CRELD2: variants seen among roughly 807,000 people sequenced by gnomAD.
CRELD2 encodes the protein protein disulfide isomerase CRELD2.
Under a neutral mutation model 48.1 loss-of-function variants are expected in CRELD2, and 33 were observed. The ratio of observed to expected loss-of-function variants is 0.69; its 90% confidence interval spans 0.52 to 0.92. The LOEUF (loss-of-function observed/expected upper bound fraction) is 0.92, where lower values mean the gene tolerates loss of function less well. Among genes scored for constraint, CRELD2 ranks in the 40% least tolerant of loss-of-function variants. The pLI is 0.00. For synonymous variants in CRELD2, 220 were observed against 203.9 expected, an observed-to-expected ratio of 1.08 and a Z score of -0.67; for missense variants, 477 against 482.4, an observed-to-expected ratio of 0.99 and a Z score of 0.10.
At chr22:49,925,340 C>A in intron 8 of CRELD2, 77 bp from the exon 9 acceptor site, 1 of 960,002 alleles carries the variant, frequency 1.0e-6, no homozygotes, top group Non-Finnish European at 1.6e-6. Flanking sequence ...GTGAATGAAT[C>A]TGAATGAATG....
intron 4 of CRELD2, chr22:49,921,346 T>A (rs1011771122): frequency 1.8e-6 from 1 of 544,320 alleles, no homozygotes; most frequent in African/African-American, 1.9e-5. Context: ...CTAAACGTCA[T>A]CATGCAGCAC....
rs1476772179 is a variant in CRELD2, at chr22:49,919,727, C to G, written c.213-3C>G. ...GGTGGGCCGGTGTGGGCCTGTGTTT[C>G]AGCGAGATTCGCCTGCTGGAGATCC... On this transcript the variant is annotated splice_polypyrimidine_tract_variant and splice_region_variant and intron_variant, in intron 2 of 9. Coordinates refer to ENST00000328268, the MANE Select transcript of CRELD2 (RefSeq NM_024324.5). 3 of 1,603,302 alleles carry G rather than the reference C, an allele frequency of 1.9e-6. No individual in the cohort carries two copies. Among genetic ancestry groups the G allele is most frequent in the Non-Finnish European group, 2.6e-6 (3 of 1,175,592 alleles).
At chr22:49,919,033 C>CGCCCCCGCCGTGGGCCCGGGGTG (rs1396931889) in intron 1 of CRELD2, 135 bp downstream of exon 1, 1 of 874,464 alleles carries the variant, frequency 1.1e-6, no homozygotes, top group East Asian at 2.8e-5. Flanking sequence ...GATTCGGGAT[C>CGCCCCCGCCGTGGGCCCGGGGTG]CCCCTCACCG....
In CRELD2 at chr22:49,927,394, G is replaced by T; in HGVS notation, c.*87G>T. On this transcript the variant is annotated 3_prime_UTR_variant, in exon 10 of 10. Coordinates refer to ENST00000328268, the MANE Select transcript of CRELD2 (RefSeq NM_024324.5). ...GATGCCGTCTCCTGCAGTGGACAGC[G>T]GCGGGGAGAGGCTGCCTGCTCTCTA... 9.9e-7 allele frequency: 1 copy of T among 1,013,676 alleles called. No homozygotes were observed. Among genetic ancestry groups the T allele is most frequent in the Non-Finnish European group, 1.6e-6 (1 of 636,780 alleles). The allele number at this position is 1,013,676 out of a possible 1,614,324, so 62.8% of individuals were successfully genotyped here. A position where few individuals can be genotyped will look rare whatever the true frequency, so the allele number is the denominator to read the frequency against.
Position 49,920,194 on chromosome 22 carries a change from T to C in CRELD2, c.362T>C (p.Val121Ala). Residue 121 changes from valine to alanine, a missense_variant, in exon 4 of 10, where the codon GTG becomes GCG. Coordinates refer to ENST00000328268, the MANE Select transcript of CRELD2 (RefSeq NM_024324.5). Reference sequence around the variant, plus strand: ...CCTGACTTATTCGAGTGGTTTTGTGTGAAGACACTGAAAGTGTGCTGCTCT... The same window carrying C: ...CCTGACTTATTCGAGTGGTTTTGTGCGAAGACACTGAAAGTGTGCTGCTCT... ...EYPDLFEWFCVKTLKVCCSPG... is the reference protein window; with the variant it reads ...EYPDLFEWFCAKTLKVCCSPG... 2 of 1,613,618 alleles carry C rather than the reference T, an allele frequency of 1.2e-6. No homozygotes were observed. The highest frequency in any genetic ancestry group is 1.7e-6 in the Non-Finnish European group (2 of 1,179,784).
intron 4 of CRELD2, among the ~76,000 whole-genome samples, 179 bp downstream of exon 4, chr22:49,920,426 C>T (rs74371371): frequency 0.11 from 16,225 of 152,266 alleles, 1,145 homozygotes; most frequent in African/African-American, 0.19. Flanking sequence ...TTCGCACCGT[C>T]TGGCTGCAGC....
chr22:49,921,215 T>C (rs2060683047), intron 4 of CRELD2: 1 of 211,356 alleles, frequency 4.7e-6, no homozygotes, highest in Non-Finnish European at 9.5e-6. Flanking sequence ...ATGTGTCACC[T>C]GAACACATCT....
chr22:49,920,623 G>A (rs545127386), intron 4 of CRELD2, among the ~76,000 whole-genome samples: 280 of 152,364 alleles, frequency 1.8e-3, no homozygotes, highest in Middle Eastern at 6.8e-3. Flanking sequence ...AACTTCTGTG[G>A]CTGCTATTGC....
At chr22:49,922,924 A>C (rs1275528476) in intron 6 of CRELD2, among the ~76,000 whole-genome samples, 1 of 42,276 alleles carries the variant, frequency 2.4e-5, no homozygotes, top group African/African-American at 8.5e-5. Context: ...TGGGGGCGTG[A>C]GGTGGGGGCG....
chr22:49,922,591 A>AG, intron 5 of CRELD2, 21 bp from the exon 6 acceptor site: 1 of 1,521,564 alleles, frequency 6.6e-7, no homozygotes, highest in Non-Finnish European at 8.9e-7. Flanking sequence ...GTTTGTACCC[A>AG]GGCCCGCCTT....
Position 49,927,447 on chromosome 22 carries a change from C to T in CRELD2, c.*140C>T, listed in dbSNP as rs1161759020. The T allele has an allele frequency of 2.9e-6, 2 of 694,232 alleles. No individual in the cohort carries two copies. Among genetic ancestry groups the T allele is most frequent in the East Asian group, 5.1e-5 (2 of 38,912 alleles). 43.0% of individuals were successfully genotyped at this position (694,232 alleles called of 1,614,324 possible). On this transcript the variant is annotated 3_prime_UTR_variant, in exon 10 of 10. Coordinates refer to ENST00000328268, the MANE Select transcript of CRELD2 (RefSeq NM_024324.5). The stretch of plus-strand genomic sequence containing the variant: ...GGTTGATTCTCATTTGTCCCTTAAA[C>T]AGCTGCATTTCTTGGTTGTTCTTAA...
chr22:49,919,683 C>A, intron 2 of CRELD2, 47 bp from the exon 3 acceptor site: 1 of 1,447,316 alleles, frequency 6.9e-7, no homozygotes, highest in Non-Finnish European at 9.4e-7. Flanking sequence ...TTTTTCTTCA[C>A]TGCCTTGGAG....
At position 49,922,361 on chromosome 22, in the gene CRELD2, G is replaced by A. The variant is rs567509358; in HGVS notation, c.593-251G>A. ...TGTCTCTTGGATGTTGGCGTGGCGT[G>A]GGCCACGCATGGATCCGTGGCCGGA... On this transcript the variant is annotated intron_variant, in intron 5 of 9. Transcript: ENST00000328268. The A allele has an allele frequency of 8.9e-4, 1,434 of 1,611,066 alleles. 1 individual carries two copies. Among genetic ancestry groups the A allele is most frequent in the Non-Finnish European group, 1.1e-3 (1,293 of 1,178,882 alleles).
intron 3 of CRELD2, 95 bp from the exon 4 acceptor site, chr22:49,920,061 T>C (rs371532913): frequency 6.8e-6 from 6 of 880,740 alleles, no homozygotes; most frequent in East Asian, 5.0e-5. Context: ...TCCTGGACCT[T>C]ACAATACTCC....
rs774436187 is a variant in CRELD2 at position 49,919,222 on chromosome 22, C to T, written c.130-8C>T. On this transcript the variant is annotated splice_region_variant and splice_polypyrimidine_tract_variant and intron_variant, in intron 1 of 9. Coordinates refer to ENST00000328268, the MANE Select transcript of CRELD2 (RefSeq NM_024324.5). ...GTACCAAGCACTATGGGCACTGTCT[C>T]CTCGCAGGGGATGGTGGACACCGCA... The T allele has an allele frequency of 4.3e-6, 7 of 1,613,562 alleles. No homozygotes were observed. The East Asian group carries it at 8.9e-5, about 21-fold the overall frequency.
In CRELD2 at chr22:49,924,470, C is replaced by G. The variant is rs1462520458; in HGVS notation, c.868+15C>G. On this transcript the variant is annotated intron_variant, in intron 8 of 9. Transcript: ENST00000328268. ...ACAGTGTGCAGGTCAGTGACGGGGT[C>G]TGTGCTGGACGCTGGTGGACCCTTC... is the stretch of plus-strand genomic sequence containing the variant. The G allele has an allele frequency of 6.4e-7, 1 of 1,566,506 alleles. No individual in the cohort carries two copies. Among genetic ancestry groups the G allele is most frequent in the Admixed American group, 1.8e-5 (1 of 56,562 alleles).
rs114332575 is a variant in CRELD2 at position 49,920,232 on chromosome 22, G to A, written c.400G>A (p.Gly134Ser). Reference protein sequence around the residue: ...LKVCCSPGTYGPDCLACQGGS... With the variant: ...LKVCCSPGTYSPDCLACQGGS... ...AGTGTGCTGCTCTCCAGGAACCTAC[G>A]GTCCCGACTGTCTCGGTGCGTTTCT... Residue 134 changes from glycine (G) to serine (S), a missense_variant, in exon 4 of 10, where the codon GGT (glycine) becomes AGT (serine). By Grantham distance (56) the Gly-to-Ser change is moderately conservative (BLOSUM62 0). Coordinates refer to ENST00000328268, the MANE Select transcript of CRELD2 (RefSeq NM_024324.5). 15 of 1,610,736 alleles carry A rather than the reference G, an allele frequency of 9.3e-6. No individual in the cohort carries two copies. The Admixed American group carries it at 1.5e-4, about 16-fold the overall frequency.
intron 7 of CRELD2, 191 bp downstream of exon 7, chr22:49,923,508 A>C: frequency 1.4e-6 from 1 of 695,016 alleles, no homozygotes. Flanking sequence ...TGAAAAGAAA[A>C]CAGTTAAAAA....
intron 4 of CRELD2, chr22:49,921,295 A>G: frequency 2.4e-6 from 1 of 425,238 alleles, no homozygotes; most frequent in South Asian, 4.3e-5. Flanking sequence ...CTTTAGTATC[A>G]TCTTAGGGGA....
Sources: gnomAD v4.1 joint callset for allele counts (sites outside exome capture counted in the v4.1 genomes callset) on GRCh38, gnomAD v4.1.1 for gene constraint, MANE v1.5 for transcripts, NCBI Gene and HGNC (gene_info 2026-07-23, HGNC 2026-07-21) for gene names.